GRID1: variants seen among roughly 807,000 people sequenced by gnomAD.
GRID1 encodes the protein glutamate receptor ionotropic, delta-1.
A neutral mutation model predicts 98.0 loss-of-function variants in GRID1; 28 were observed. That is an observed-to-expected ratio of 0.29 (90% CI 0.21 to 0.39). The LOEUF is 0.39. GRID1 is among the 10% of genes least tolerant of loss of function. The pLI is 1.00. For missense variants in GRID1, 1,111 were observed against 1,340.5 expected, an observed-to-expected ratio of 0.83 and a Z score of 2.67; for synonymous variants, 553 against 538.5, an observed-to-expected ratio of 1.03 and a Z score of -0.37.
chr10:85,842,050 A>G (rs1428278021), intron 8 of GRID1, among the ~76,000 whole-genome samples: 1 of 152,126 alleles, frequency 6.6e-6, no homozygotes, highest in African/African-American at 2.4e-5. Flanking sequence ...CACAATTCAC[A>G]ATATCAAAGA....
intron 12 of GRID1, among the ~76,000 whole-genome samples, chr10:85,703,824 A>T (rs1209179139): frequency 6.6e-6 from 1 of 152,092 alleles, no homozygotes; most frequent in African/African-American, 2.4e-5. Context: ...ATTCTCCTTT[A>T]AAATACAAGA....
intron 4 of GRID1, among the ~76,000 whole-genome samples, chr10:85,952,765 G>A (rs868714089): frequency 2.0e-5 from 3 of 152,040 alleles, no homozygotes; most frequent in Non-Finnish European, 4.4e-5. Flanking sequence ...TATTATCTTG[G>A]GAGAACTGTA....
intron 6 of GRID1, among the ~76,000 whole-genome samples, chr10:85,864,215 G>C (rs1178992521): frequency 6.6e-6 from 1 of 152,228 alleles, no homozygotes; most frequent in Admixed American, 6.5e-5. Flanking sequence ...TTGACACCCA[G>C]ATGTCACAGC....
intron 2 of GRID1, among the ~76,000 whole-genome samples, chr10:86,337,554 A>C (rs1848240604): frequency 6.6e-6 from 1 of 152,100 alleles, no homozygotes; most frequent in South Asian, 2.1e-4. Context: ...TGAAAACCAC[A>C]AGGGAGAACC....
chr10:86,002,769 A>C (rs1564647132), intron 4 of GRID1, among the ~76,000 whole-genome samples: 1 of 152,218 alleles, frequency 6.6e-6, no homozygotes, highest in Non-Finnish European at 1.5e-5. Context: ...GCATTTCAAA[A>C]CCGTGGTTAA....
At chr10:86,182,511 G>A (rs546172353) in intron 3 of GRID1, among the ~76,000 whole-genome samples, 10 of 152,264 alleles carry the variant, frequency 6.6e-5, no homozygotes, top group South Asian at 6.2e-4. Context: ...TTCCATAACC[G>A]ACACACTAAT....
chr10:85,692,053 G>A (rs1312882886), intron 12 of GRID1, among the ~76,000 whole-genome samples: 1 of 152,080 alleles, frequency 6.6e-6, no homozygotes, highest in African/African-American at 2.4e-5. Flanking sequence ...TGGTGGTTTC[G>A]TCAGTAGCTC....
intron 2 of GRID1, among the ~76,000 whole-genome samples, chr10:86,352,990 C>T (rs868544067): frequency 6.6e-6 from 1 of 152,210 alleles, no homozygotes; most frequent in African/African-American, 2.4e-5. Context: ...ACTGCAATGA[C>T]CATCCCATTG....
intron 2 of GRID1, among the ~76,000 whole-genome samples, chr10:86,267,158 A>G (rs1353964566): frequency 6.6e-6 from 1 of 152,236 alleles, no homozygotes; most frequent in Admixed American, 6.5e-5. Flanking sequence ...TCCAACTGTT[A>G]CCTCATGAAA....
At chr10:86,167,064 G>T (rs995065751) in intron 3 of GRID1, among the ~76,000 whole-genome samples, 1 of 152,252 alleles carries the variant, frequency 6.6e-6, no homozygotes, top group Admixed American at 6.5e-5. Flanking sequence ...AAGGGTAGAA[G>T]GGGAAGGCCT....
intron 4 of GRID1, among the ~76,000 whole-genome samples, chr10:86,018,060 G>C (rs1004612388): frequency 2.6e-5 from 4 of 152,202 alleles, no homozygotes; most frequent in Non-Finnish European, 5.9e-5. Flanking sequence ...TTCACACCCA[G>C]CTGCAAGGTG....
In GRID1 at chr10:86,132,447, AGC is replaced by A. The variant is rs201833461; in HGVS notation, c.726+6370_726+6371del. ...GAAAATGTAAATTTCTCAGACTGGAAGCACTTTTGCTAAAGTGCTAAGGCTTT... is the reference window on the plus strand; with the variant it reads ...GAAAATGTAAATTTCTCAGACTGGAAACTTTTGCTAAAGTGCTAAGGCTTT... On this transcript the variant is annotated intron_variant, in intron 4 of 15. Coordinates refer to ENST00000327946, the MANE Select transcript of GRID1 (RefSeq NM_017551.3). Among the ~76,000 whole-genome samples the A allele has an allele frequency of 3.4e-3, 520 of 152,376 alleles. 12 individuals carry two copies. The highest frequency in any genetic ancestry group is 0.03 in the Admixed American group (459 of 15,306).
intron 3 of GRID1, among the ~76,000 whole-genome samples, chr10:86,148,815 G>A (rs2131978823): frequency 6.6e-6 from 1 of 152,270 alleles, no homozygotes; most frequent in East Asian, 1.9e-4. Flanking sequence ...CGGAGAAGCA[G>A]CCCCACTGCC....
Position 85,955,836 on chromosome 10 carries a change from G to C in GRID1, c.727-39597C>G, listed in dbSNP as rs77418375. Among the ~76,000 whole-genome samples, 300 of 152,196 alleles carry C rather than the reference G, an allele frequency of 2.0e-3. 2 individuals carry two copies. Among genetic ancestry groups the C allele is most frequent in the African/African-American group, 6.9e-3 (288 of 41,530 alleles). ...GACCTATGCCCACAGTCCTAGAGTG[G>C]GACTCTTCCCCTTCTGACCCCTGAG... On this transcript the variant is annotated intron_variant, in intron 4 of 15. Coordinates refer to ENST00000327946, the MANE Select transcript of GRID1 (RefSeq NM_017551.3).
chr10:86,308,121 C>T (rs1232518520), intron 2 of GRID1, among the ~76,000 whole-genome samples: 1 of 152,176 alleles, frequency 6.6e-6, no homozygotes, highest in Non-Finnish European at 1.5e-5. Flanking sequence ...GTGAATTCTG[C>T]AGTCCAGAAT....
rs185979407 is a variant in GRID1, at chr10:85,902,645, C to T, written c.780+13541G>A. ...AGATAAGGGGGGAGCCGTGTGGCATCGGGTATGGAGTTCTTAAATTCGAAG... is the reference window on the plus strand; with the variant it reads ...AGATAAGGGGGGAGCCGTGTGGCATTGGGTATGGAGTTCTTAAATTCGAAG... On this transcript the variant is annotated intron_variant, in intron 5 of 15. Coordinates refer to ENST00000327946, the MANE Select transcript of GRID1 (RefSeq NM_017551.3). Among the ~76,000 whole-genome samples the T allele has an allele frequency of 1.1e-3, 162 of 152,244 alleles. 1 individual carries two copies. The highest frequency in any genetic ancestry group is 6.8e-3 in the Middle Eastern group (2 of 294).
chr10:86,204,853 G>A (rs946594842), intron 3 of GRID1, among the ~76,000 whole-genome samples: 1 of 152,160 alleles, frequency 6.6e-6, no homozygotes, highest in Non-Finnish European at 1.5e-5. Flanking sequence ...TTCAGCCTCA[G>A]AGCAGGCTGG....
At chr10:85,734,091 T>C (rs1051998254) in intron 8 of GRID1, among the ~76,000 whole-genome samples, 1 of 152,184 alleles carries the variant, frequency 6.6e-6, no homozygotes, top group Non-Finnish European at 1.5e-5. Flanking sequence ...AAGGCCAATC[T>C]GAGAGTCAGA....
At chr10:86,348,718 G>A (rs1308885197) in intron 2 of GRID1, among the ~76,000 whole-genome samples, 1 of 152,246 alleles carries the variant, frequency 6.6e-6, no homozygotes, top group African/African-American at 2.4e-5. Context: ...AGAGCCACAT[G>A]CATGCCCCTG....
Sources: allele counts gnomAD v4.1 joint callset (sites outside exome capture counted in the v4.1 genomes callset), GRCh38; gene constraint gnomAD v4.1.1; transcripts MANE v1.5; gene names NCBI Gene and HGNC (gene_info 2026-07-23, HGNC 2026-07-21).